The following CTNNA2 variants were observed in gnomAD, a reference collection of about 807,000 sequenced individuals.
The protein encoded by CTNNA2 is catenin alpha-2.
In CTNNA2, 42 loss-of-function variants were observed where a neutral mutation model predicts 101.0. The ratio of observed to expected loss-of-function variants is 0.42; its 90% CI spans 0.32 to 0.54. The LOEUF is 0.54. CTNNA2 is among the 20% of genes least tolerant of loss of function. The pLI is 0.14. For missense variants in CTNNA2, 871 were observed against 1,223.1 expected (o/e 0.71, Z 4.29); for synonymous variants, 450 against 456.4 (o/e 0.99, Z 0.18).
intron 4 of CTNNA2, 41 bp downstream of exon 4, chr2:79,858,220 G>T: frequency 6.6e-7 from 1 of 1,520,352 alleles, no homozygotes; most frequent in Non-Finnish European, 9.1e-7. Context: ...TTATGTGAGT[G>T]GCAATCTTGA....
intron 4 of CTNNA2, among the ~76,000 whole-genome samples, chr2:79,395,563 T>A (rs1376572952): frequency 6.6e-6 from 1 of 152,210 alleles, no homozygotes; most frequent in East Asian, 1.9e-4. Context: ...GGAAATTTAA[T>A]CTGTAATTTC....
chr2:79,847,067 T>C (rs766134820), intron 3 of CTNNA2, among the ~76,000 whole-genome samples: 6 of 152,244 alleles, frequency 3.9e-5, no homozygotes, highest in Non-Finnish European at 8.8e-5. Flanking sequence ...GTTCTTTTTA[T>C]AATGCAACCT....
At chr2:80,203,639 C>T (rs1707348882) in intron 7 of CTNNA2, among the ~76,000 whole-genome samples, 1 of 152,236 alleles carries the variant, frequency 6.6e-6, no homozygotes, top group Admixed American at 6.5e-5. Flanking sequence ...GCTGCTTTCA[C>T]AGGCTGGTTT....
intron 3 of CTNNA2, among the ~76,000 whole-genome samples, chr2:79,824,444 A>C (rs1035451686): frequency 6.6e-6 from 1 of 152,128 alleles, no homozygotes; most frequent in Non-Finnish European, 1.5e-5. Flanking sequence ...AGGATGAGAC[A>C]TCAGTTTGAG....
intron 4 of CTNNA2, among the ~76,000 whole-genome samples, chr2:79,402,883 A>C: frequency 6.6e-6 from 1 of 151,862 alleles, no homozygotes; most frequent in Non-Finnish European, 1.5e-5. Context: ...ATAGTAAAAG[A>C]AATTGCTTAA....
At chr2:80,363,130 A>C (rs964606937) in intron 7 of CTNNA2, among the ~76,000 whole-genome samples, 1 of 152,134 alleles carries the variant, frequency 6.6e-6, no homozygotes, top group African/African-American at 2.4e-5. Flanking sequence ...TTTTGGTTTA[A>C]AAAATCCTGC....
chr2:79,203,432 G>T (rs569497833), intron 2 of CTNNA2, among the ~76,000 whole-genome samples: 61 of 152,106 alleles, frequency 4.0e-4, no homozygotes, highest in African/African-American at 1.4e-3. Flanking sequence ...TCAAGAAATC[G>T]AATTACAAAT....
intron 3 of CTNNA2, among the ~76,000 whole-genome samples, chr2:79,745,910 A>G (rs1308725941): frequency 1.3e-5 from 2 of 152,150 alleles, no homozygotes; most frequent in Non-Finnish European, 2.9e-5. Context: ...GTTCTTTTGG[A>G]TATAGACTCA....
intron 4 of CTNNA2, among the ~76,000 whole-genome samples, chr2:79,494,236 G>C (rs1671232592): frequency 6.7e-6 from 1 of 150,254 alleles, no homozygotes; most frequent in Non-Finnish European, 1.5e-5. Context: ...AAACTTATCT[G>C]CAGATTCAAA....
At chr2:80,307,076 T>A (rs1677100156) in intron 7 of CTNNA2, among the ~76,000 whole-genome samples, 1 of 148,922 alleles carries the variant, frequency 6.7e-6, no homozygotes, top group African/African-American at 2.4e-5. Flanking sequence ...AAATATATAT[T>A]TTCTATATAT....
chr2:79,930,399 A>G (rs549039220), intron 7 of CTNNA2, among the ~76,000 whole-genome samples: 1 of 152,202 alleles, frequency 6.6e-6, no homozygotes, highest in East Asian at 1.9e-4. Flanking sequence ...ACTTCAGAGG[A>G]CTCTTTGACA....
intron 2 of CTNNA2, among the ~76,000 whole-genome samples, chr2:79,742,773 G>A (rs1482232220): frequency 6.6e-6 from 1 of 151,802 alleles, no homozygotes; most frequent in East Asian, 1.9e-4. Context: ...CATTTTTTTG[G>A]CTAGTGTTTG....
At chr2:80,319,943 A>G (rs750233299) in intron 7 of CTNNA2, among the ~76,000 whole-genome samples, 1 of 152,200 alleles carries the variant, frequency 6.6e-6, no homozygotes, top group Non-Finnish European at 1.5e-5. Context: ...TTTTTATCCA[A>G]CTATTTTGGG....
At chr2:80,008,349 A>C (rs1228384813) in intron 7 of CTNNA2, among the ~76,000 whole-genome samples, 1 of 152,170 alleles carries the variant, frequency 6.6e-6, no homozygotes, top group Non-Finnish European at 1.5e-5. Flanking sequence ...CCCTGTGGTG[A>C]GGAGTAATGA....
intron 1 of CTNNA2, among the ~76,000 whole-genome samples, chr2:79,536,741 A>G (rs1311889421): frequency 6.8e-6 from 1 of 146,652 alleles, no homozygotes. Flanking sequence ...TCTGTCACCA[A>G]GGCTGGAGTG....
At chr2:80,199,176 A>G in intron 7 of CTNNA2, among the ~76,000 whole-genome samples, 2 of 107,206 alleles carry the variant, frequency 1.9e-5, no homozygotes, top group African/African-American at 4.1e-5. Flanking sequence ...GTGAGACTCC[A>G]TCTCAGAAAA....
At chr2:79,650,668 G>A (rs1681173112) in intron 1 of CTNNA2, among the ~76,000 whole-genome samples, 1 of 150,294 alleles carries the variant, frequency 6.7e-6, no homozygotes, top group Non-Finnish European at 1.5e-5. Flanking sequence ...CAAGTTTTAG[G>A]GTACATGTGC....
intron 7 of CTNNA2, among the ~76,000 whole-genome samples, chr2:80,090,499 T>G (rs1699729466): frequency 6.6e-6 from 1 of 152,198 alleles, no homozygotes; most frequent in African/African-American, 2.4e-5. Flanking sequence ...CTGTTGTTCA[T>G]TTCTTCTTAG....
At chr2:79,320,953 A>G (rs1289735310) in intron 3 of CTNNA2, among the ~76,000 whole-genome samples, 2 of 152,232 alleles carry the variant, frequency 1.3e-5, no homozygotes, top group Admixed American at 1.3e-4. Context: ...CTGTGTGTTT[A>G]ACTTGAATGT....
Sources: gnomAD v4.1 joint callset for allele counts (sites outside exome capture counted in the v4.1 genomes callset) on GRCh38, gnomAD v4.1.1 for gene constraint, MANE v1.5 for transcripts, NCBI Gene and HGNC (gene_info 2026-07-23, HGNC 2026-07-21) for gene names.